The following SORCS1 variants were observed in gnomAD, a reference collection of about 807,000 sequenced individuals.
SORCS1 encodes the protein sortilin related VPS10 domain containing receptor 1, also known as VPS10 domain-containing receptor SorCS1.
SORCS1 carries 60 observed loss-of-function variants against 146.1 expected under a neutral mutation model. That is an observed-to-expected ratio of 0.41 (90% CI 0.33 to 0.51). The LOEUF (loss-of-function observed/expected upper bound fraction) is 0.51. Among genes scored for constraint, SORCS1 ranks in the 20% least tolerant of loss-of-function variants. The pLI is 0.21. For synonymous variants in SORCS1, 637 were observed against 584.0 expected, an observed-to-expected ratio of 1.09 and a Z score of -1.31; for missense variants, 1,352 against 1,487.6, an observed-to-expected ratio of 0.91 and a Z score of 1.50.
At chr10:107,013,804 T>A (rs1015244523) in intron 1 of SORCS1, among the ~76,000 whole-genome samples, 1 of 152,134 alleles carries the variant, frequency 6.6e-6, no homozygotes, top group East Asian at 1.9e-4. Flanking sequence ...ACCAGGTTGT[T>A]GAAGATTTTG....
At chr10:107,094,522 T>C (rs940220851) in intron 1 of SORCS1, among the ~76,000 whole-genome samples, 1 of 152,212 alleles carries the variant, frequency 6.6e-6, no homozygotes, top group Non-Finnish European at 1.5e-5. Context: ...AGATATAAAC[T>C]ATAGAATAAA....
At chr10:106,819,409 G>A (rs1947903314) in intron 3 of SORCS1, among the ~76,000 whole-genome samples, 1 of 152,160 alleles carries the variant, frequency 6.6e-6, no homozygotes, top group South Asian at 2.1e-4. Flanking sequence ...AACTAATGAT[G>A]CCCCTGAGCA....
chr10:106,607,584 C>G (rs1846694413), intron 22 of SORCS1, among the ~76,000 whole-genome samples: 1 of 152,188 alleles, frequency 6.6e-6, no homozygotes, highest in African/African-American at 2.4e-5. Flanking sequence ...GAAGACAGGA[C>G]AGTTGCAGTA....
At chr10:107,161,636 A>G (rs990997143) in intron 1 of SORCS1, among the ~76,000 whole-genome samples, 1 of 152,178 alleles carries the variant, frequency 6.6e-6, no homozygotes, top group African/African-American at 2.4e-5. Context: ...CAAACCACAA[A>G]TAAGCAGAAC....
intron 21 of SORCS1, among the ~76,000 whole-genome samples, chr10:106,615,035 G>A (rs1163868136): frequency 6.7e-5 from 1 of 14,896 alleles, no homozygotes; most frequent in East Asian, 3.9e-3. Context: ...GCTTTTTTCA[G>A]TCCCATCATG....
At chr10:106,866,009 G>A (rs1447373270) in intron 2 of SORCS1, among the ~76,000 whole-genome samples, 1 of 151,116 alleles carries the variant, frequency 6.6e-6, no homozygotes, top group East Asian at 2.0e-4. Flanking sequence ...CTCCAACCTG[G>A]GTGACAGAAT....
chr10:106,685,131 C>T (rs1192124754), intron 10 of SORCS1, among the ~76,000 whole-genome samples: 2 of 152,296 alleles, frequency 1.3e-5, no homozygotes, highest in African/African-American at 4.8e-5. Flanking sequence ...CTTGAGCCCA[C>T]GAGCTTCAGA....
At chr10:106,927,331 T>G (rs914943899) in intron 2 of SORCS1, among the ~76,000 whole-genome samples, 2 of 152,072 alleles carry the variant, frequency 1.3e-5, no homozygotes, top group Admixed American at 6.5e-5. Flanking sequence ...AGATGAGTGT[T>G]ACAGCTTTTA....
chr10:106,853,397 ATT>A (rs57934259), intron 2 of SORCS1, among the ~76,000 whole-genome samples: 32 of 136,538 alleles, frequency 2.3e-4, no homozygotes, highest in Admixed American at 2.9e-4. Context: ...CATTTTCTTG[ATT>A]TTTTTTTTTT....
At chr10:106,939,428 C>T (rs899780684) in intron 2 of SORCS1, among the ~76,000 whole-genome samples, 2 of 152,118 alleles carry the variant, frequency 1.3e-5, no homozygotes, top group Non-Finnish European at 2.9e-5. Context: ...TCAAAAGGGG[C>T]GATGATGCAG....
chr10:106,818,773 C>T (rs1947870445), intron 3 of SORCS1, among the ~76,000 whole-genome samples: 1 of 152,182 alleles, frequency 6.6e-6, no homozygotes, highest in South Asian at 2.1e-4. Flanking sequence ...GCATTGTGCG[C>T]TTGTGGACAC....
At chr10:106,931,905 C>T (rs192818130) in intron 2 of SORCS1, among the ~76,000 whole-genome samples, 15 of 152,248 alleles carry the variant, frequency 9.9e-5, no homozygotes, top group Admixed American at 3.9e-4. Context: ...GAGATAAATG[C>T]ACTGCAAATG....
rs1185062966 is a variant in SORCS1, at chr10:106,669,775, T to C, written c.2189+1462A>G. Among the ~76,000 whole-genome samples, 5 of 152,336 alleles carry C rather than the reference T, an allele frequency of 3.3e-5. No homozygotes were observed. The East Asian group carries it at 9.7e-4, about 29-fold the overall frequency. ...GGCTGAGCCCAAAGAGATACTTCAT[T>C]CGCTCTTGGCTTGGCGTCCTCACCA... On this transcript the variant is annotated intron_variant, in intron 16 of 25. Transcript: ENST00000263054.
At chr10:106,896,895 T>G (rs2137996365) in intron 2 of SORCS1, among the ~76,000 whole-genome samples, 1 of 148,352 alleles carries the variant, frequency 6.7e-6, no homozygotes, top group African/African-American at 2.5e-5. Flanking sequence ...TACTGTTTTT[T>G]TTTTTTTTTT....
chr10:107,030,768 A>T (rs936524172), intron 1 of SORCS1, among the ~76,000 whole-genome samples: 11 of 152,232 alleles, frequency 7.2e-5, no homozygotes, highest in Non-Finnish European at 1.5e-4. Flanking sequence ...ATTTTTTAAA[A>T]ACCAAAGAAA....
intron 2 of SORCS1, among the ~76,000 whole-genome samples, chr10:106,928,139 G>C (rs1018858386): frequency 2.0e-5 from 3 of 152,250 alleles, no homozygotes; most frequent in African/African-American, 7.2e-5. Context: ...GATGGGACTG[G>C]GCGCCGTGGA....
rs368299993 is a variant in SORCS1 at position 106,955,410 on chromosome 10, G to A, written c.626+1103C>T. Among the ~76,000 whole-genome samples the A allele has an allele frequency of 1.9e-4, 29 of 152,352 alleles. No individual in the cohort carries two copies. In the East Asian group the frequency reaches 4.4e-3, roughly 23 times the overall value. On this transcript the variant is annotated intron_variant, in intron 2 of 25. Transcript: ENST00000263054. ...GGCGCACCTGGCTTGCCCTTGGCAG[G>A]CATGAGATATCAACCAGTAGTATGA...
At chr10:106,712,632 A>G (rs1006386313) in intron 6 of SORCS1, among the ~76,000 whole-genome samples, 1 of 152,216 alleles carries the variant, frequency 6.6e-6, no homozygotes, top group Non-Finnish European at 1.5e-5. Flanking sequence ...CATATATGCT[A>G]AATGTTTTGA....
chr10:106,947,797 G>C (rs375232053), intron 2 of SORCS1, among the ~76,000 whole-genome samples: 1 of 151,020 alleles, frequency 6.6e-6, no homozygotes, highest in Non-Finnish European at 1.5e-5. Flanking sequence ...GCAGTGAGCC[G>C]AGAACATGCC....
Sources: gnomAD v4.1 joint callset for allele counts (sites outside exome capture counted in the v4.1 genomes callset) on GRCh38, gnomAD v4.1.1 for gene constraint, MANE v1.5 for transcripts, NCBI Gene and HGNC (gene_info 2026-07-23, HGNC 2026-07-21) for gene names.